The following YAP1 variants were observed in gnomAD, a reference collection of about 807,000 sequenced individuals.
YAP1 encodes the protein Yes1 associated transcriptional regulator.
A neutral mutation model predicts 56.9 loss-of-function variants in YAP1; 5 were observed. The observed-to-expected ratio is 0.09, with a 90% CI of 0.05 to 0.18. The LOEUF (loss-of-function observed/expected upper bound fraction) is 0.18, where lower values mean the gene tolerates loss of function less well. Among genes scored for constraint, YAP1 ranks in the 10% least tolerant of loss-of-function variants. YAP1 has a pLI of 1.00. For synonymous variants in YAP1, 265 were observed against 248.1 expected, an observed-to-expected ratio of 1.07 and a Z score of -0.64; for missense variants, 539 against 651.8, an observed-to-expected ratio of 0.83 and a Z score of 1.88.
chr11:102,181,181 C>T (rs921499945), intron 3 of YAP1, among the ~76,000 whole-genome samples: 12 of 151,636 alleles, frequency 7.9e-5, no homozygotes, highest in Non-Finnish European at 1.8e-4. Flanking sequence ...CTCGGTGGCT[C>T]ACGCCTGTAA....
At chr11:102,176,745 CAAAAAAAAAAAAAAAAAA>C (rs57082707) in intron 3 of YAP1, among the ~76,000 whole-genome samples, 6 of 45,480 alleles carry the variant, frequency 1.3e-4, no homozygotes, top group Admixed American at 3.3e-4. Context: ...GACTCCGTCT[CAAAAAAAAAAAAAAAAAA>C]AAAAAAAAAA....
At chr11:102,212,569 TTTTATTTTTA>T (rs1269639374) in intron 6 of YAP1, among the ~76,000 whole-genome samples, 1 of 151,434 alleles carries the variant, frequency 6.6e-6, no homozygotes, top group Admixed American at 6.6e-5. Flanking sequence ...AACTTTTTAT[TTTTATTTTTA>T]TTTTTATTTT....
At chr11:102,112,980 A>G (rs1044147112) in intron 1 of YAP1, among the ~76,000 whole-genome samples, 1 of 152,172 alleles carries the variant, frequency 6.6e-6, no homozygotes, top group Non-Finnish European at 1.5e-5. Context: ...TTCATAAACT[A>G]TTATAGTTTT....
chr11:102,114,503 AATATTT>A lies in YAP1; in HGVS notation c.572+112_572+117del, dbSNP rs945531833. 23 of 1,319,034 alleles carry A rather than the reference AATATTT, an allele frequency of 1.7e-5. No individual in the cohort carries two copies. The African/African-American group carries it at 3.3e-4, about 19-fold the overall frequency. The allele number at this position is 1,319,034 out of a possible 1,614,324, so 81.7% of individuals were successfully genotyped here. A position where few individuals can be genotyped will look rare whatever the true frequency, so the allele number is the denominator to read the frequency against. The stretch of plus-strand genomic sequence containing the variant: ...TATCATTTATTTTTATGTTTTATTT[AATATTT>A]ATGTTAAGCTCTGTAGCTCTATCTT... On this transcript the variant is annotated intron_variant, in intron 2 of 8. Coordinates refer to ENST00000282441, the MANE Select transcript of YAP1 (RefSeq NM_001130145.3).
chr11:102,122,182 G>A (rs765312833), intron 2 of YAP1, among the ~76,000 whole-genome samples: 1 of 152,274 alleles, frequency 6.6e-6, no homozygotes, highest in East Asian at 1.9e-4. Context: ...CCTTTTGGGA[G>A]GCTAAGGCAG....
intron 3 of YAP1, among the ~76,000 whole-genome samples, chr11:102,177,670 G>A (rs149230769): frequency 2.8e-5 from 4 of 142,492 alleles, no homozygotes; most frequent in African/African-American, 5.4e-5. Flanking sequence ...AGTGAGACTC[G>A]GTCTCAAAAA....
intron 4 of YAP1, among the ~76,000 whole-genome samples, chr11:102,197,136 C>A (rs2135555926): frequency 6.6e-6 from 1 of 152,244 alleles, no homozygotes; most frequent in South Asian, 2.1e-4. Context: ...AAAAAGTCTA[C>A]TGTTTTGTAG....
chr11:102,137,526 G>A (rs1199001764), intron 2 of YAP1, among the ~76,000 whole-genome samples: 1 of 152,152 alleles, frequency 6.6e-6, no homozygotes, highest in Non-Finnish European at 1.5e-5. Context: ...CAATTTTGCT[G>A]TATGTGAAGA....
chr11:102,145,608 T>C (rs1035190633), intron 2 of YAP1, among the ~76,000 whole-genome samples: 3 of 152,142 alleles, frequency 2.0e-5, no homozygotes, highest in Non-Finnish European at 2.9e-5. Flanking sequence ...GAGAAAAAAA[T>C]TGAAGGTAAA....
chr11:102,196,963 A>T (rs1948605810), intron 4 of YAP1, among the ~76,000 whole-genome samples: 1 of 152,176 alleles, frequency 6.6e-6, no homozygotes, highest in Admixed American at 6.5e-5. Flanking sequence ...TAGATAAATT[A>T]TTATGCCACT....
chr11:102,139,834 A>G (rs1944902122), intron 2 of YAP1, among the ~76,000 whole-genome samples: 1 of 152,188 alleles, frequency 6.6e-6, no homozygotes, highest in Admixed American at 6.5e-5. Context: ...TTGCCTACCT[A>G]TGAAAACATC....
chr11:102,137,748 CTTT>C (rs5794157), intron 2 of YAP1, among the ~76,000 whole-genome samples: 12 of 139,968 alleles, frequency 8.6e-5, no homozygotes, highest in Admixed American at 1.4e-4. Context: ...GAGTCATTGA[CTTT>C]TTTTTTTTTT....
chr11:102,149,076 T>C (rs1231974173), intron 2 of YAP1, among the ~76,000 whole-genome samples: 2 of 152,230 alleles, frequency 1.3e-5, no homozygotes, highest in Non-Finnish European at 2.9e-5. Flanking sequence ...GGTTACAGTT[T>C]GAAATATGAG....
chr11:102,119,592 A>G (rs1475606407), intron 2 of YAP1, among the ~76,000 whole-genome samples: 2 of 151,992 alleles, frequency 1.3e-5, no homozygotes, highest in Non-Finnish European at 1.5e-5. Context: ...TATCTTAGCC[A>G]TTAAAAAAAA....
chr11:102,128,506 C>T (rs1405387941), intron 2 of YAP1, among the ~76,000 whole-genome samples: 1 of 152,212 alleles, frequency 6.6e-6, no homozygotes, highest in African/African-American at 2.4e-5. Context: ...TCCAATTAAA[C>T]CTCTTTTTCT....
At chr11:102,168,818 A>G (rs1432636641) in intron 3 of YAP1, among the ~76,000 whole-genome samples, 2 of 152,216 alleles carry the variant, frequency 1.3e-5, no homozygotes, top group Non-Finnish European at 2.9e-5. Flanking sequence ...ACCAAGAAAA[A>G]TGAGAGAGCT....
intron 4 of YAP1, among the ~76,000 whole-genome samples, chr11:102,195,183 G>C (rs866088732): frequency 6.6e-6 from 1 of 152,110 alleles, no homozygotes; most frequent in Non-Finnish European, 1.5e-5. Context: ...ATTAGAACAC[G>C]TTCTCCCTTT....
At chr11:102,185,853 C>T (rs533341563) in intron 3 of YAP1, among the ~76,000 whole-genome samples, 165 bp from the exon 4 acceptor site, 1 of 152,222 alleles carries the variant, frequency 6.6e-6, no homozygotes, top group East Asian at 1.9e-4. Flanking sequence ...GGAGAAGAAG[C>T]AGGTATATAG....
intron 3 of YAP1, among the ~76,000 whole-genome samples, chr11:102,171,960 C>G (rs1218195223): frequency 6.6e-6 from 1 of 151,980 alleles, no homozygotes; most frequent in Admixed American, 6.6e-5. Flanking sequence ...GAGGCCGAGG[C>G]AGGTGGATCA....
Sources: gnomAD v4.1 joint callset for allele counts (sites outside exome capture counted in the v4.1 genomes callset) on GRCh38, gnomAD v4.1.1 for gene constraint, MANE v1.5 for transcripts, NCBI Gene and HGNC (gene_info 2026-07-23, HGNC 2026-07-21) for gene names.